MAD1L1: variants seen among roughly 807,000 people sequenced by gnomAD.
MAD1L1 encodes the protein mitotic spindle assembly checkpoint protein MAD1.
MAD1L1 carries 95 observed loss-of-function variants against 96.9 expected under a neutral mutation model. That is an observed-to-expected ratio of 0.98 (90% CI 0.83 to 1.16). MAD1L1 has a LOEUF of 1.16. MAD1L1 is among the 50% of genes most tolerant of loss of function. MAD1L1 has a pLI of 0.00. For synonymous variants in MAD1L1, 473 were observed against 396.6 expected (o/e 1.19, Z -2.29); for missense variants, 1,007 against 954.4 (o/e 1.06, Z -0.73).
intron 18 of MAD1L1, among the ~76,000 whole-genome samples, chr7:1,858,363 CTT>C (rs1784360707): frequency 6.6e-6 from 1 of 152,230 alleles, no homozygotes; most frequent in South Asian, 2.1e-4. Context: ...GGATGAATGG[CTT>C]TTGTTTTTGC....
At chr7:1,825,769 G>A (rs534498229) in intron 18 of MAD1L1, among the ~76,000 whole-genome samples, 1 of 152,330 alleles carries the variant, frequency 6.6e-6, no homozygotes, top group African/African-American at 2.4e-5. Context: ...AGGGTCCAGA[G>A]GTGATAAACC....
At chr7:1,935,492 T>C (rs1220625888) in intron 17 of MAD1L1, among the ~76,000 whole-genome samples, 1 of 151,784 alleles carries the variant, frequency 6.6e-6, no homozygotes, top group Non-Finnish European at 1.5e-5. Context: ...GCCGGCAGGG[T>C]GCGCCCAGAC....
At chr7:2,228,028 A>G (rs1244574107) in intron 3 of MAD1L1, among the ~76,000 whole-genome samples, 1 of 151,916 alleles carries the variant, frequency 6.6e-6, no homozygotes, top group Non-Finnish European at 1.5e-5. Flanking sequence ...TCAGCAGGAG[A>G]GAGAGAACCA....
intron 18 of MAD1L1, among the ~76,000 whole-genome samples, chr7:1,886,209 G>A (rs751565622): frequency 1.3e-5 from 2 of 152,220 alleles, no homozygotes; most frequent in African/African-American, 2.4e-5. Flanking sequence ...CTGTCTAAGG[G>A]GCTTGTCCTC....
intron 18 of MAD1L1, among the ~76,000 whole-genome samples, chr7:1,852,397 C>T (rs528149528): frequency 9.9e-5 from 15 of 152,248 alleles, no homozygotes; most frequent in Non-Finnish European, 2.1e-4. Context: ...CAGGAGCTAC[C>T]ACTGCCCCTC....
intron 16 of MAD1L1, among the ~76,000 whole-genome samples, chr7:1,954,777 G>A (rs1779654283): frequency 1.3e-5 from 2 of 152,332 alleles, no homozygotes; most frequent in South Asian, 2.1e-4. Flanking sequence ...CTAGAGAGGG[G>A]GCGCCAGAAG....
At chr7:2,198,193 C>T (rs1168382283) in intron 10 of MAD1L1, among the ~76,000 whole-genome samples, 4 of 151,840 alleles carry the variant, frequency 2.6e-5, no homozygotes, top group African/African-American at 4.8e-5. Flanking sequence ...CAGGCTCAAG[C>T]GATCCTCCCA....
intron 10 of MAD1L1, among the ~76,000 whole-genome samples, chr7:2,171,976 G>T (rs867444735): frequency 3.9e-5 from 6 of 152,320 alleles, no homozygotes; most frequent in African/African-American, 2.4e-5. Flanking sequence ...AGTCTGATGG[G>T]AAGAGCACAC....
At chr7:2,224,658 G>C (rs541998352) in intron 4 of MAD1L1, among the ~76,000 whole-genome samples, 3 of 152,218 alleles carry the variant, frequency 2.0e-5, no homozygotes, top group Admixed American at 6.5e-5. Flanking sequence ...AGGCCAGGGA[G>C]ACTTTCCGCC....
intron 11 of MAD1L1, among the ~76,000 whole-genome samples, chr7:2,075,486 T>C (rs73048967): frequency 0.027 from 4,042 of 152,218 alleles, 93 homozygotes; most frequent in South Asian, 0.09. Flanking sequence ...ATTAAGCCTC[T>C]AGTTCCATGC....
intron 18 of MAD1L1, among the ~76,000 whole-genome samples, chr7:1,831,852 C>T (rs1289137265): frequency 6.6e-6 from 1 of 152,224 alleles, no homozygotes; most frequent in Non-Finnish European, 1.5e-5. Flanking sequence ...TTTAAGCCCA[C>T]TGTTGAGACC....
chr7:2,090,169 T>G (rs1232033171), intron 11 of MAD1L1, among the ~76,000 whole-genome samples: 1 of 152,220 alleles, frequency 6.6e-6, no homozygotes, highest in African/African-American at 2.4e-5. Context: ...CAAAGGCTAG[T>G]GCCGAGCAGG....
intron 18 of MAD1L1, among the ~76,000 whole-genome samples, chr7:1,824,447 T>C (rs1047469137): frequency 6.6e-6 from 1 of 152,058 alleles, no homozygotes; most frequent in Non-Finnish European, 1.5e-5. Context: ...CAGAGCACAG[T>C]GGGATGAGGA....
At chr7:1,868,174 A>G (rs1784870292) in intron 18 of MAD1L1, among the ~76,000 whole-genome samples, 1 of 152,100 alleles carries the variant, frequency 6.6e-6, no homozygotes, top group Non-Finnish European at 1.5e-5. Context: ...TCCTGACCCC[A>G]CAGTGGCCCC....
chr7:1,899,418 C>T (rs1787103257), intron 17 of MAD1L1, among the ~76,000 whole-genome samples: 1 of 152,170 alleles, frequency 6.6e-6, no homozygotes, highest in Non-Finnish European at 1.5e-5. Context: ...TGGACCCTAT[C>T]CTGCAGGCCA....
chr7:1,884,073 G>A (rs1190884308), intron 18 of MAD1L1, among the ~76,000 whole-genome samples: 1 of 15,578 alleles, frequency 6.4e-5, no homozygotes, highest in African/African-American at 7.4e-4. Context: ...CAGCTCATTC[G>A]AGAGAGCATG....
At chr7:2,074,124 G>A (rs1253770284) in intron 11 of MAD1L1, among the ~76,000 whole-genome samples, 3 of 152,194 alleles carry the variant, frequency 2.0e-5, no homozygotes, top group Non-Finnish European at 2.9e-5. Context: ...CACACGGGAT[G>A]TGGGTGAGGA....
chr7:1,986,183 G>A (rs1370140625), intron 14 of MAD1L1, among the ~76,000 whole-genome samples: 1 of 152,204 alleles, frequency 6.6e-6, no homozygotes, highest in African/African-American at 2.4e-5. Flanking sequence ...TCAGCCCCCA[G>A]TAGCTCCCTC....
At chr7:2,134,249 G>C (rs1284614011) in intron 11 of MAD1L1, among the ~76,000 whole-genome samples, 1 of 152,002 alleles carries the variant, frequency 6.6e-6, no homozygotes, top group Non-Finnish European at 1.5e-5. Context: ...CTGTTTTTTG[G>C]TGCTAATGTA....
Sources: gnomAD v4.1 joint callset for allele counts (sites outside exome capture counted in the v4.1 genomes callset) on GRCh38, gnomAD v4.1.1 for gene constraint, MANE v1.5 for transcripts, NCBI Gene and HGNC (gene_info 2026-07-23, HGNC 2026-07-21) for gene names.